Variants in NCALD observed in about 807,000 individuals in gnomAD.
NCALD encodes the protein neurocalcin delta, also known as neurocalcin-delta.
NCALD carries 10 observed loss-of-function variants against 18.6 expected under a neutral mutation model. The observed-to-expected ratio is 0.54, with a 90% CI of 0.33 to 0.91. The LOEUF is 0.91. NCALD is among the 40% of genes least tolerant of loss of function. The pLI is 0.03. For synonymous variants in NCALD, 88 were observed against 87.4 expected, an observed-to-expected ratio of 1.01 and a Z score of -0.04; for missense variants, 184 against 247.6, an observed-to-expected ratio of 0.74 and a Z score of 1.72.
chr8:101,828,803 G>A (rs7827941), intron 4 of NCALD, among the ~76,000 whole-genome samples: 113,207 of 151,932 alleles, frequency 0.75, 42,525 homozygotes, highest in Middle Eastern at 0.79. Flanking sequence ...TCTCCTAGTT[G>A]GGATGTAAGT....
intron 4 of NCALD, among the ~76,000 whole-genome samples, chr8:101,867,302 T>A (rs906041140): frequency 1.3e-5 from 2 of 152,216 alleles, no homozygotes; most frequent in African/African-American, 4.8e-5. Flanking sequence ...AAATACTACA[T>A]ATTTTACTTG....
chr8:102,055,002 G>A (rs1305160994), intron 1 of NCALD, among the ~76,000 whole-genome samples: 1 of 152,000 alleles, frequency 6.6e-6, no homozygotes, highest in Non-Finnish European at 1.5e-5. Context: ...ACTCTCTCAG[G>A]CTGCTGGTGT....
chr8:102,013,384 T>C (rs1350816864), intron 2 of NCALD, among the ~76,000 whole-genome samples: 1 of 152,234 alleles, frequency 6.6e-6, no homozygotes, highest in Admixed American at 6.5e-5. Flanking sequence ...TGCTAATCTT[T>C]ACCTCCCTGT....
rs1186049309 is a variant in NCALD at position 101,940,649 on chromosome 8, C to T, written c.-156-24791G>A. On this transcript the variant is annotated intron_variant, in intron 2 of 6. Transcript: ENST00000311028. The stretch of plus-strand genomic sequence containing the variant: ...GAGGGCAAACACAGTACAATGAACA[C>T]AGCTGTTAAGCCAACAGACAACCTA... 3.3e-5 allele frequency among the ~76,000 whole-genome samples: 5 copies of T among 152,164 alleles called. 1 individual carries two copies. Among genetic ancestry groups the T allele is most frequent in the African/African-American group, 2.4e-5 (1 of 41,434 alleles).
intron 4 of NCALD, among the ~76,000 whole-genome samples, chr8:101,802,571 G>A (rs879802823): frequency 6.6e-6 from 1 of 151,224 alleles, no homozygotes; most frequent in Non-Finnish European, 1.5e-5. Context: ...GTGAACACAC[G>A]AATGATTAAA....
intron 1 of NCALD, among the ~76,000 whole-genome samples, chr8:102,028,585 G>T (rs1822547937): frequency 6.6e-6 from 1 of 152,160 alleles, no homozygotes. Flanking sequence ...CCATTAGGAA[G>T]ACTATCTCTG....
intron 4 of NCALD, among the ~76,000 whole-genome samples, chr8:101,878,282 T>A (rs1816314409): frequency 1.3e-5 from 2 of 152,244 alleles, no homozygotes; most frequent in South Asian, 4.1e-4. Flanking sequence ...TTATTAAGAA[T>A]CTTACATTTT....
At chr8:101,948,326 G>A (rs1317663321) in intron 2 of NCALD, among the ~76,000 whole-genome samples, 1 of 152,200 alleles carries the variant, frequency 6.6e-6, no homozygotes, top group African/African-American at 2.4e-5. Flanking sequence ...GAAGAAGAAG[G>A]AGACCCAAGG....
intron 4 of NCALD, among the ~76,000 whole-genome samples, chr8:101,856,223 G>GT (rs1218383624): frequency 6.6e-6 from 1 of 152,186 alleles, no homozygotes. Flanking sequence ...CCAGGCTGGA[G>GT]TGCAATGGTG....
intron 1 of NCALD, among the ~76,000 whole-genome samples, chr8:101,762,479 G>C (rs1811153015): frequency 6.6e-6 from 1 of 151,882 alleles, no homozygotes; most frequent in Non-Finnish European, 1.5e-5. Context: ...AAAACAAGGA[G>C]ATTTTATCAG....
At chr8:102,068,298 G>T (rs1006046469) in intron 1 of NCALD, among the ~76,000 whole-genome samples, 2 of 152,040 alleles carry the variant, frequency 1.3e-5, no homozygotes, top group African/African-American at 4.8e-5. Flanking sequence ...CTCCCTCCAC[G>T]GCCTACTCTG....
At chr8:101,703,488 A>G (rs148519349) in intron 2 of NCALD, among the ~76,000 whole-genome samples, 294 of 152,290 alleles carry the variant, frequency 1.9e-3, no homozygotes, top group African/African-American at 6.5e-3. Flanking sequence ...GATTGAATCT[A>G]TCCCCTCCCA....
intron 1 of NCALD, among the ~76,000 whole-genome samples, chr8:101,766,636 G>T (rs939451830): frequency 6.6e-6 from 1 of 152,150 alleles, no homozygotes; most frequent in South Asian, 2.1e-4. Context: ...ACCCAGGCTG[G>T]AGTGATCTCA....
intron 2 of NCALD, among the ~76,000 whole-genome samples, chr8:101,925,035 T>C (rs73696577): frequency 0.079 from 11,945 of 152,066 alleles, 1,162 homozygotes; most frequent in African/African-American, 0.24. Context: ...CAGAGTTGGT[T>C]TTAAATTCAG....
rs1409919519 is a variant in NCALD at position 102,081,556 on chromosome 8, A to C, written c.-210+42681T>G. On this transcript the variant is annotated intron_variant, in intron 1 of 6. Coordinates refer to the NCALD transcript ENST00000311028. ...AATTCAAATAATGGTAAAAAAAAAA[A>C]AAAAAAAAAAAAAAAAAAAACCCCA... Among the ~76,000 whole-genome samples, 615 of 102,962 alleles carry C rather than the reference A, an allele frequency of 6.0e-3. 4 individuals are homozygous for C. Among genetic ancestry groups the C allele is most frequent in the Non-Finnish European group, 8.7e-3 (474 of 54,704 alleles). The allele number at this position is 102,962 out of a possible 152,430, so 67.5% of individuals were successfully genotyped here. A position where few individuals can be genotyped will look rare whatever the true frequency, so the allele number is the denominator to read the frequency against.
intron 2 of NCALD, among the ~76,000 whole-genome samples, chr8:101,714,486 TAA>T (rs1273506028): frequency 6.6e-6 from 1 of 151,946 alleles, no homozygotes; most frequent in Non-Finnish European, 1.5e-5. Flanking sequence ...CTCAAGGAAA[TAA>T]GAGAGGACAT....
intron 4 of NCALD, among the ~76,000 whole-genome samples, chr8:101,821,479 T>C (rs1342541311): frequency 1.3e-5 from 2 of 152,168 alleles, no homozygotes; most frequent in Admixed American, 1.3e-4. Flanking sequence ...AGTCTGGATT[T>C]GAACCAAGTT....
chr8:101,779,605 T>C (rs1210268252), intron 1 of NCALD, among the ~76,000 whole-genome samples: 1 of 152,200 alleles, frequency 6.6e-6, no homozygotes, highest in Non-Finnish European at 1.5e-5. Flanking sequence ...GGTCACTAGA[T>C]GCAGTGGTTT....
chr8:101,768,761 A>C (rs2130881378), intron 1 of NCALD, among the ~76,000 whole-genome samples: 1 of 152,154 alleles, frequency 6.6e-6, no homozygotes, highest in Non-Finnish European at 1.5e-5. Context: ...AAGAAAAAAG[A>C]AACTTTAAAA....
Sources: gnomAD v4.1 joint callset for allele counts (sites outside exome capture counted in the v4.1 genomes callset) on GRCh38, gnomAD v4.1.1 for gene constraint, MANE v1.5 for transcripts, NCBI Gene and HGNC (gene_info 2026-07-23, HGNC 2026-07-21) for gene names.